Variants in DPP7 observed in about 807,000 individuals in gnomAD.
DPP7 encodes the protein dipeptidyl peptidase 7.
Under a neutral mutation model 58.8 loss-of-function variants are expected in DPP7, and 74 were observed. The ratio of observed to expected loss-of-function variants is 1.26; its 90% confidence interval spans 1.04 to 1.53. DPP7 has a LOEUF of 1.53. Ranked by LOEUF, DPP7 falls within the 40% of genes most tolerant of loss-of-function variation. The probability of loss-of-function intolerance (pLI) is 0.00; values close to 1 mark genes in which losing one functional copy is unlikely to be tolerated. For synonymous variants in DPP7, 350 were observed against 303.6 expected, an observed-to-expected ratio of 1.15 and a Z score of -1.59; for missense variants, 807 against 692.3, an observed-to-expected ratio of 1.17 and a Z score of -1.86.
In DPP7 at chr9:137,113,198, G is replaced by A; in HGVS notation, c.703+8C>T. The A allele has an allele frequency of 6.2e-7, 1 of 1,613,574 alleles. No homozygotes were observed. Among genetic ancestry groups the A allele is most frequent in the African/African-American group, 1.3e-5 (1 of 74,966 alleles). The stretch of plus-strand genomic sequence containing the variant: ...GTCAGGCAGTGGGAGGCGGTGGGAG[G>A]ACCTCACCTCCCTGTAGGAACAAGT... On this transcript the variant is annotated splice_region_variant and intron_variant, in intron 6 of 12. Transcript: ENST00000371579.
In DPP7 at chr9:137,114,619, G is replaced by A. The variant is rs528535958; in HGVS notation, c.67+28C>T. 620 of 1,427,654 alleles carry A rather than the reference G, an allele frequency of 4.3e-4. 1 individual carries two copies. In the Middle Eastern group the frequency reaches 4.9e-3, roughly 11 times the overall value. The allele number at this position is 1,427,654 out of a possible 1,614,324, so 88.4% of individuals were successfully genotyped here. Reference sequence around the variant, plus strand: ...CCTCAGAGGCGGGGCCGGGACCGGGGAATGGGCCGGGGGGCGCCGCCACTC... The same window carrying A: ...CCTCAGAGGCGGGGCCGGGACCGGGAAATGGGCCGGGGGGCGCCGCCACTC... On this transcript the variant is annotated intron_variant, in intron 1 of 12. Coordinates refer to ENST00000371579, the MANE Select transcript of DPP7 (RefSeq NM_013379.3).
Position 137,113,051 on chromosome 9 carries a change from G to A in DPP7, c.772C>T (p.Leu258Phe), listed in dbSNP as rs763743146. Residue 258 changes from leucine to phenylalanine, a missense_variant, in exon 7 of 13, where the codon CTC becomes TTC. By Grantham distance (22) the Leu-to-Phe change is conservative. Around this residue, in one of 3 missense-constraint regions of DPP7, gnomAD observed 624 missense variants for 531.2 expected, o/e 1.17. Transcript: ENST00000371579. ...AAGGCATTCCGGGCGAACATGAAGA[G>A]CTGGGTCAGGTCCTTCTCGTCTGAC... ...PLSDEKDLTQ[L>F]FMFARNAFTV... The A allele has an allele frequency of 1.9e-6, 3 of 1,613,776 alleles. No homozygotes were observed. Among genetic ancestry groups the A allele is most frequent in the Non-Finnish European group, 2.5e-6 (3 of 1,180,038 alleles).
chr9:137,116,637 G>A (rs1374114667), upstream of DPP7, among the ~76,000 whole-genome samples: 4 of 152,364 alleles, frequency 2.6e-5, no homozygotes, highest in South Asian at 2.1e-4. Context: ...TCGTGGGAAG[G>A]GAAAGACCTG....
In DPP7 at chr9:137,112,760, G is replaced by T; in HGVS notation, c.916C>A (p.Leu306Met). ...GGAAGGGCACCTGCCAGTGCTCGCA[G>T]CCCCGTGATCCTCTGGGCCTCACTC... The part of the protein sequence containing the change: ...LLSEAQRITG[L>M]RALAGLVYNA... The change falls in exon 8 of 13, where the codon CTG (leucine) becomes ATG (methionine). Residue 306 changes from leucine (L) to methionine (M), a missense_variant. Transcript: ENST00000371579. 6.2e-7 allele frequency: 1 copy of T among 1,607,328 alleles called. No individual in the cohort carries two copies. The highest frequency in any genetic ancestry group is 8.5e-7 in the Non-Finnish European group (1 of 1,178,794).
Position 137,113,398 on chromosome 9 carries a change from A to G in DPP7, c.584T>C (p.Leu195Pro), listed in dbSNP as rs1396873944. Reference protein sequence around the residue: ...ASAPVLAVAGLGDSNQFFRDV... With the variant: ...ASAPVLAVAGPGDSNQFFRDV... Reference sequence around the variant, plus strand: ...CCGGAAGAACTGGTTGGAGTCGCCGAGGCCTGCCACAGCTAGAACGGGCGC... The same window carrying G: ...CCGGAAGAACTGGTTGGAGTCGCCGGGGCCTGCCACAGCTAGAACGGGCGC... The change falls in exon 5 of 13, where the codon CTC becomes CCC. Residue 195 changes from leucine (L) to proline (P), a missense_variant. Around this residue, in one of 3 missense-constraint regions of DPP7, gnomAD observed 624 missense variants for 531.2 expected, o/e 1.17. Coordinates refer to ENST00000371579, the MANE Select transcript of DPP7 (RefSeq NM_013379.3). 1 of 1,609,898 alleles carries G rather than the reference A, an allele frequency of 6.2e-7. No homozygotes were observed. The highest frequency in any genetic ancestry group is 8.5e-7 in the Non-Finnish European group (1 of 1,177,776).
chr9:137,115,808 C>G (rs1447256467), upstream of DPP7, among the ~76,000 whole-genome samples: 1 of 152,164 alleles, frequency 6.6e-6, no homozygotes, highest in Non-Finnish European at 1.5e-5. Flanking sequence ...ACCGTCCCCA[C>G]CACGGCCCTC....
chr9:137,112,594 C>T, intron 8 of DPP7, 151 bp downstream of exon 8: 1 of 958,244 alleles, frequency 1.0e-6, no homozygotes. Context: ...CCCAGGGTTT[C>T]TGGGAAGGTC....
chr9:137,116,066 G>A (rs1831629576), upstream of DPP7, among the ~76,000 whole-genome samples: 1 of 152,178 alleles, frequency 6.6e-6, no homozygotes, highest in Admixed American at 6.5e-5. Context: ...AGCTCCCCAA[G>A]CACACCAGAG....
At position 137,114,517 on chromosome 9, in the gene DPP7, A is replaced by AGT. The variant is rs1384225268; in HGVS notation, c.125_126dup (p.Phe43ThrfsTer88). 1 of 1,586,392 alleles carries AGT rather than the reference A, an allele frequency of 6.3e-7. No homozygotes were observed. The highest frequency in any genetic ancestry group is 1.1e-5 in the South Asian group (1 of 87,836). On this transcript the variant is annotated frameshift_variant, in exon 2 of 13. Coordinates refer to ENST00000371579, the MANE Select transcript of DPP7 (RefSeq NM_013379.3). LOFTEE classifies it high-confidence loss of function. ...TTGTTGCCGAAGCGCTCGAAGTTGA[A>AGT]GTGGTCCAGACGCTGCTGGAAGAAG...
At chr9:137,117,960 C>T (rs1193321969), upstream of DPP7, among the ~76,000 whole-genome samples, 2 of 151,956 alleles carry the variant, frequency 1.3e-5, no homozygotes, top group African/African-American at 2.4e-5. Context: ...ACTCCAGGTA[C>T]GTCATATCAG....
rs1388653167 is a variant in DPP7, at chr9:137,111,924, A to G, written c.1156T>C (p.Trp386Arg). The change falls in exon 10 of 13, where the codon TGG (tryptophan) becomes CGG (arginine). Residue 386 changes from tryptophan (W) to arginine (R), a missense_variant. Physicochemically the swap from Trp to Arg is moderately radical, Grantham distance 101. This residue lies in a region of DPP7 where 624 missense variants were observed against 531.2 expected (regional missense o/e 1.17). Transcript: ENST00000371579. ...CAGTCGGGCCGGGGCCACACGCCCC[A>G]GGTGTCCAGGCAGTACCGCTGGCGG... ...ELRQRYCLDT[W>R]GVWPRPDWLL... 2.5e-6 allele frequency: 4 copies of G among 1,589,752 alleles called. No individual in the cohort carries two copies. In the South Asian group the frequency reaches 4.4e-5, roughly 18 times the overall value.
Position 137,112,097 on chromosome 9 carries a change from C to T in DPP7, c.1050+15G>A, listed in dbSNP as rs758577022. On this transcript the variant is annotated intron_variant, in intron 9 of 12. Coordinates refer to ENST00000371579, the MANE Select transcript of DPP7 (RefSeq NM_013379.3). ...CTTGCCCCCGAGTGGTTCCAGGCCA[C>T]CCACACCCCCACACCTGGTAGTCCC... 5 of 1,611,630 alleles carry T rather than the reference C, an allele frequency of 3.1e-6. 1 individual carries two copies. Among genetic ancestry groups the T allele is most frequent in the South Asian group, 2.2e-5 (2 of 90,982 alleles).
Position 137,114,703 on chromosome 9 carries a change from G to A in DPP7, c.11C>T (p.Ala4Val). The stretch of plus-strand genomic sequence containing the variant: ...CAGCAGCAGGACCGGGGCCCAGGGA[G>A]CGGAGCCCATGTCGCCTTCCGCGGG... Reference protein sequence around the residue: MGSAPWAPVLLLAL... With the variant: MGSVPWAPVLLLAL... Residue 4 changes from alanine to valine, a missense_variant, in exon 1 of 13, where the codon GCT becomes GTT. This residue lies in a region of DPP7 where 168 missense variants were observed against 124.1 expected (regional missense o/e 1.35). Coordinates refer to ENST00000371579, the MANE Select transcript of DPP7 (RefSeq NM_013379.3). The A allele has an allele frequency of 1.5e-6, 2 of 1,308,224 alleles. No individual in the cohort carries two copies. The highest frequency in any genetic ancestry group is 1.9e-6 in the Non-Finnish European group (2 of 1,030,610). The allele number at this position is 1,308,224 out of a possible 1,614,324, so 81.0% of individuals were successfully genotyped here. A position where few individuals can be genotyped will look rare whatever the true frequency, so the allele number is the denominator to read the frequency against.
chr9:137,112,316 T>C, intron 8 of DPP7, 86 bp from the exon 9 acceptor site: 2 of 1,113,132 alleles, frequency 1.8e-6, no homozygotes. Context: ...CTCGGAATGG[T>C]CCTGCAGGGG....
chr9:137,114,095 C>T (rs1214227486), intron 3 of DPP7, 67 bp from the exon 4 acceptor site: 3 of 1,037,876 alleles, frequency 2.9e-6, no homozygotes, highest in South Asian at 4.5e-5. Context: ...CCGCGACCCC[C>T]GCCCGCGACC....
intron 4 of DPP7, 42 bp downstream of exon 4, chr9:137,113,823 G>A (rs770508095): frequency 1.5e-5 from 20 of 1,369,720 alleles, no homozygotes; most frequent in Non-Finnish European, 1.9e-5. Context: ...CTGGGTCGGG[G>A]CAGGGGAGGG....
chr9:137,111,551 A>G lies in DPP7; in HGVS notation c.1272+139T>C, dbSNP rs924379365. 1.5e-5 allele frequency: 13 copies of G among 890,550 alleles called. No homozygotes were observed. In the African/African-American group the frequency reaches 1.9e-4, roughly 13 times the overall value. 55.2% of individuals were successfully genotyped at this position (890,550 alleles called of 1,614,324 possible). On this transcript the variant is annotated intron_variant, in intron 11 of 12. Coordinates refer to ENST00000371579, the MANE Select transcript of DPP7 (RefSeq NM_013379.3). ...AGCGCCTGTAGTCCCAGTTACTGGG[A>G]GGCTTGAGCCTCAGAGGTCAAGGCT...
chr9:137,117,915 T>C (rs569964805), upstream of DPP7, among the ~76,000 whole-genome samples: 1 of 152,100 alleles, frequency 6.6e-6, no homozygotes, highest in Non-Finnish European at 1.5e-5. Context: ...CCCCTGGCAC[T>C]CACCATTCTA....
At chr9:137,117,048 A>C (rs910406205), upstream of DPP7, among the ~76,000 whole-genome samples, 1 of 152,218 alleles carries the variant, frequency 6.6e-6, no homozygotes, top group Non-Finnish European at 1.5e-5. Flanking sequence ...GAAAATGGTA[A>C]TGAATAAATA....
Sources: gnomAD v4.1 joint callset for allele counts (sites outside exome capture counted in the v4.1 genomes callset) on GRCh38, gnomAD v4.1.1 for gene constraint, gnomAD v4.1.1 regional missense constraint, MANE v1.5 for transcripts, NCBI Gene and HGNC (gene_info 2026-07-23, HGNC 2026-07-21) for gene names.